SLC9A9: variants seen among roughly 807,000 people sequenced by gnomAD.
SLC9A9 encodes the protein sodium/hydrogen exchanger 9.
SLC9A9 carries 62 observed loss-of-function variants against 77.8 expected under a neutral mutation model. The ratio of observed to expected loss-of-function variants is 0.80; its 90% CI spans 0.65 to 0.98. SLC9A9 has a LOEUF of 0.98. Among genes scored for constraint, SLC9A9 ranks in the 50% least tolerant of loss-of-function variants. The probability of loss-of-function intolerance (pLI) is 0.00; values close to 1 mark genes in which losing one functional copy is unlikely to be tolerated. For synonymous variants in SLC9A9, 320 were observed against 283.5 expected (o/e 1.13, Z -1.29); for missense variants, 775 against 774.9 (o/e 1.00, Z 0.00).
At chr3:143,570,887 C>T (rs2037245924) in intron 8 of SLC9A9, among the ~76,000 whole-genome samples, 1 of 152,002 alleles carries the variant, frequency 6.6e-6, no homozygotes, top group Admixed American at 6.6e-5. Flanking sequence ...AATTTATTTC[C>T]TTCTGTAAAT....
intron 4 of SLC9A9, among the ~76,000 whole-genome samples, chr3:143,701,105 G>T (rs1328405995): frequency 2.0e-5 from 3 of 152,324 alleles, no homozygotes; most frequent in South Asian, 2.1e-4. Flanking sequence ...TGGGCTTGGG[G>T]TGCCCCTGAT....
chr3:143,846,182 C>T (rs570955462), intron 1 of SLC9A9, among the ~76,000 whole-genome samples: 1 of 152,104 alleles, frequency 6.6e-6, no homozygotes. Context: ...AAAACTTTTA[C>T]GAAAACAATA....
chr3:143,768,745 A>G (rs1024094311), intron 4 of SLC9A9, among the ~76,000 whole-genome samples: 9 of 152,190 alleles, frequency 5.9e-5, no homozygotes, highest in Non-Finnish European at 1.2e-4. Flanking sequence ...TGTGGAGCCC[A>G]TGAAGGGAAA....
At chr3:143,733,143 A>G (rs187859218) in intron 4 of SLC9A9, among the ~76,000 whole-genome samples, 1 of 152,244 alleles carries the variant, frequency 6.6e-6, no homozygotes, top group East Asian at 1.9e-4. Context: ...TTTGAACTTT[A>G]TAATGGACAA....
At chr3:143,432,687 G>C (rs1227409540) in intron 12 of SLC9A9, among the ~76,000 whole-genome samples, 1 of 152,168 alleles carries the variant, frequency 6.6e-6, no homozygotes, top group Non-Finnish European at 1.5e-5. Flanking sequence ...GAGTGCAGTG[G>C]CGTGATCTTG....
rs369386842 is a variant in SLC9A9 at position 143,266,751 on chromosome 3, C to A, written c.1889G>T (p.Gly630Val). 15 of 1,614,186 alleles carry A rather than the reference C, an allele frequency of 9.3e-6. No individual in the cohort carries two copies. Among genetic ancestry groups the A allele is most frequent in the Non-Finnish European group, 1.3e-5 (15 of 1,180,030 alleles). Residue 630 changes from glycine (G) to valine (V), a missense_variant, in exon 16 of 16, where the codon GGC (glycine) becomes GTC (valine). Coordinates refer to ENST00000316549, the MANE Select transcript of SLC9A9 (RefSeq NM_173653.4). ...AGTTTGCTCAAGCTTGAGTTCATAG[C>A]CTCCCAGGCCGAGGTCTCCCTCATA... Reference protein sequence around the residue: ...NIYEGDLGLGGYELKLEQTLG... With the variant: ...NIYEGDLGLGVYELKLEQTLG...
intron 6 of SLC9A9, among the ~76,000 whole-genome samples, chr3:143,581,662 C>T (rs944546528): frequency 1.3e-5 from 2 of 152,168 alleles, no homozygotes; most frequent in Non-Finnish European, 2.9e-5. Flanking sequence ...AAAAGGCGAT[C>T]ATGTTGTGGG....
chr3:143,565,970 A>C (rs904286489), intron 8 of SLC9A9, among the ~76,000 whole-genome samples: 1 of 152,128 alleles, frequency 6.6e-6, no homozygotes, highest in Non-Finnish European at 1.5e-5. Flanking sequence ...CATGCAGTGC[A>C]TCAGTGGCAA....
chr3:143,735,833 C>G (rs1346913755), intron 4 of SLC9A9, among the ~76,000 whole-genome samples: 1 of 152,204 alleles, frequency 6.6e-6, no homozygotes, highest in Non-Finnish European at 1.5e-5. Flanking sequence ...CCTTGCTCTG[C>G]TATTTGCTAC....
At chr3:143,508,156 G>GTT (rs1559945393) in intron 9 of SLC9A9, among the ~76,000 whole-genome samples, 1 of 152,180 alleles carries the variant, frequency 6.6e-6, no homozygotes, top group Non-Finnish European at 1.5e-5. Context: ...AGTAACAACT[G>GTT]TTTAAGACAT....
intron 6 of SLC9A9, among the ~76,000 whole-genome samples, chr3:143,593,366 A>G (rs1298053662): frequency 6.6e-6 from 1 of 152,232 alleles, no homozygotes; most frequent in East Asian, 1.9e-4. Context: ...ATAAGCTACC[A>G]GCTAGTGGGT....
chr3:143,456,616 G>A (rs894622663), intron 12 of SLC9A9, among the ~76,000 whole-genome samples: 3 of 150,972 alleles, frequency 2.0e-5, no homozygotes, highest in African/African-American at 7.3e-5. Context: ...CCAGGCTGGA[G>A]TGCAGTGGCA....
chr3:143,299,288 C>T (rs2030412711), intron 14 of SLC9A9, among the ~76,000 whole-genome samples: 1 of 152,072 alleles, frequency 6.6e-6, no homozygotes, highest in Non-Finnish European at 1.5e-5. Context: ...AAAGCTAAGC[C>T]CCTTAAGAAA....
intron 4 of SLC9A9, among the ~76,000 whole-genome samples, chr3:143,761,056 A>T (rs1478772253): frequency 6.6e-6 from 1 of 152,212 alleles, no homozygotes; most frequent in African/African-American, 2.4e-5. Flanking sequence ...CAACCATCTG[A>T]TCTTTGACAA....
At chr3:143,342,853 C>T (rs1008043076) in intron 14 of SLC9A9, among the ~76,000 whole-genome samples, 15 of 152,176 alleles carry the variant, frequency 9.9e-5, no homozygotes, top group African/African-American at 2.2e-4. Context: ...CAAATATACA[C>T]GCGCCACGCT....
At chr3:143,748,168 T>A (rs565126255) in intron 4 of SLC9A9, among the ~76,000 whole-genome samples, 1 of 152,356 alleles carries the variant, frequency 6.6e-6, no homozygotes, top group African/African-American at 2.4e-5. Context: ...GACAGATGTA[T>A]AGAACATGTT....
chr3:143,583,830 C>T (rs968951568), intron 6 of SLC9A9, among the ~76,000 whole-genome samples: 3 of 152,148 alleles, frequency 2.0e-5, no homozygotes, highest in Non-Finnish European at 4.4e-5. Flanking sequence ...TCTATCCAAA[C>T]AGAACTAAGA....
At chr3:143,748,225 C>T (rs141866963) in intron 4 of SLC9A9, among the ~76,000 whole-genome samples, 1 of 152,240 alleles carries the variant, frequency 6.6e-6, no homozygotes, top group African/African-American at 2.4e-5. Flanking sequence ...ATATTCAGGC[C>T]CATGATATGC....
chr3:143,666,022 C>T (rs1396146837), intron 5 of SLC9A9, among the ~76,000 whole-genome samples: 10 of 151,994 alleles, frequency 6.6e-5, no homozygotes, highest in Non-Finnish European at 7.4e-5. Flanking sequence ...GGCAGAGACA[C>T]GACTACAAAA....
Sources: gnomAD v4.1 joint callset for allele counts (sites outside exome capture counted in the v4.1 genomes callset) on GRCh38, gnomAD v4.1.1 for gene constraint, MANE v1.5 for transcripts, NCBI Gene and HGNC (gene_info 2026-07-23, HGNC 2026-07-21) for gene names.